Variants in LYRM1 observed in about 807,000 individuals in gnomAD.
LYRM1 encodes LYR motif-containing protein 1.
Under a neutral mutation model 14.9 loss-of-function variants are expected in LYRM1, and 14 were observed. The observed-to-expected ratio is 0.94, with a 90% CI of 0.62 to 1.47. The LOEUF is 1.47. Ranked by LOEUF, LYRM1 falls within the 40% of genes most tolerant of loss-of-function variation. LYRM1 has a pLI of 0.00. For missense variants in LYRM1, 153 were observed against 149.9 expected, an observed-to-expected ratio of 1.02 and a Z score of -0.11; for synonymous variants, 43 against 56.2, an observed-to-expected ratio of 0.77 and a Z score of 1.05.
chr16:20,902,281 G>A (rs1000893225), intron 1 of LYRM1, among the ~76,000 whole-genome samples: 3 of 152,170 alleles, frequency 2.0e-5, no homozygotes, highest in African/African-American at 7.2e-5. Context: ...AAGGAATATC[G>A]AAAGTTCTCT....
At chr16:20,913,317 G>GTTTTTTTTT (rs5816141) in intron 1 of LYRM1, among the ~76,000 whole-genome samples, 1 of 123,308 alleles carries the variant, frequency 8.1e-6, no homozygotes, top group African/African-American at 2.9e-5. Context: ...TCTTTTCTTT[G>GTTTTTTTTT]TTTTTTTTTT....
intron 1 of LYRM1, among the ~76,000 whole-genome samples, chr16:20,913,306 A>T (rs998419739): frequency 4.5e-4 from 63 of 138,984 alleles, no homozygotes; most frequent in Non-Finnish European, 8.2e-4. Flanking sequence ...TGGTCTCAGT[A>T]TCTTTTCTTT....
chr16:20,908,261 A>G (rs1464250675), intron 1 of LYRM1, among the ~76,000 whole-genome samples: 1 of 152,196 alleles, frequency 6.6e-6, no homozygotes, highest in Non-Finnish European at 1.5e-5. Flanking sequence ...GCAAATGGGG[A>G]AGGCTATTGG....
At chr16:20,900,299 C>T (rs867921015), upstream of LYRM1, 3 of 152,046 alleles carry the variant, frequency 2.0e-5, no homozygotes, top group African/African-American at 7.3e-5. Context: ...CGTTTCCAGG[C>T]TCCCTACCCC....
chr16:20,912,280 T>C (rs1201557450), intron 1 of LYRM1, among the ~76,000 whole-genome samples: 1 of 146,894 alleles, frequency 6.8e-6, no homozygotes, highest in African/African-American at 2.5e-5. Context: ...GTTTTTTTTG[T>C]TTTTTTTGAG....
At position 20,915,700 on chromosome 16, in the gene LYRM1, C is replaced by T. The variant is rs759527874; in HGVS notation, c.145C>T (p.Arg49Trp). ...ACTAAATGAAGCCAGAACGCTGTTC[C>T]GGAAAAACAAAAATGTAAGTAGGCC... ...YILNEARTLF[R>W]KNKNLTDTDL... The change falls in exon 2 of 4, where the codon CGG becomes TGG. Residue 49 changes from arginine (R) to tryptophan (W), a missense_variant. Coordinates refer to ENST00000567954, the MANE Select transcript of LYRM1 (RefSeq NM_001128302.3). 1.1e-5 allele frequency: 18 copies of T among 1,613,460 alleles called. No individual in the cohort carries two copies. The highest frequency in any genetic ancestry group is 7.7e-5 in the South Asian group (7 of 91,042).
At chr16:20,914,255 T>C (rs2152543588) in intron 1 of LYRM1, among the ~76,000 whole-genome samples, 1 of 151,930 alleles carries the variant, frequency 6.6e-6, no homozygotes, top group East Asian at 1.9e-4. Flanking sequence ...AGACTCATTT[T>C]GTTTGGCCTG....
At chr16:20,916,873 G>A (rs1371802854) in intron 2 of LYRM1, among the ~76,000 whole-genome samples, 1 of 152,196 alleles carries the variant, frequency 6.6e-6, no homozygotes, top group East Asian at 1.9e-4. Context: ...AGACACATCT[G>A]TCAAAGGCAT....
At chr16:20,919,973 C>T (rs1315981516) in intron 2 of LYRM1, 149 bp from the exon 3 acceptor site, 8 of 477,484 alleles carry the variant, frequency 1.7e-5, no homozygotes, top group African/African-American at 8.0e-5. Context: ...TTATGGTAAG[C>T]TTTAATATTA....
rs141833315 is a variant in LYRM1 at position 20,906,295 on chromosome 16, A to G, written c.-1+5406A>G. Among the ~76,000 whole-genome samples the G allele has an allele frequency of 4.3e-3, 655 of 152,348 alleles. 4 individuals carry two copies. The highest frequency in any genetic ancestry group is 0.024 in the Middle Eastern group (7 of 294). ...GTGGAAGCAGCAAATAGGCAAAGAA[A>G]GGGTATTTCAGTTGTATGAAGTAGA... is the stretch of plus-strand genomic sequence containing the variant. On this transcript the variant is annotated intron_variant, in intron 1 of 3. Coordinates refer to ENST00000567954, the MANE Select transcript of LYRM1 (RefSeq NM_001128302.3).
chr16:20,902,645 A>G (rs1018099792), intron 1 of LYRM1: 1 of 152,202 alleles, frequency 6.6e-6, no homozygotes, highest in African/African-American at 2.4e-5. Flanking sequence ...CAGCAAGTAG[A>G]AGCTAAGTCC....
At chr16:20,910,598 A>G (rs1309146246) in intron 1 of LYRM1, among the ~76,000 whole-genome samples, 1 of 152,174 alleles carries the variant, frequency 6.6e-6, no homozygotes. Context: ...GAAACTAATT[A>G]AAGTTAGATT....
At chr16:20,915,285 CCT>C (rs925317914) in intron 1 of LYRM1, among the ~76,000 whole-genome samples, 2 of 151,978 alleles carry the variant, frequency 1.3e-5, no homozygotes, top group Non-Finnish European at 2.9e-5. Flanking sequence ...ACGGTGAAAC[CCT>C]GTCTCTACTA....
rs772619056 is a variant in LYRM1, at chr16:20,915,533, C to T, written c.1-23C>T. ...TTGCATTTTTATGCAAATTTTCCCTCTTCTATTTTGGTGGGTCTGAAGATG... is the reference window on the plus strand; with the variant it reads ...TTGCATTTTTATGCAAATTTTCCCTTTTCTATTTTGGTGGGTCTGAAGATG... On this transcript the variant is annotated intron_variant, in intron 1 of 3. Coordinates refer to ENST00000567954, the MANE Select transcript of LYRM1 (RefSeq NM_001128302.3). 1.9e-6 allele frequency: 3 copies of T among 1,603,010 alleles called. No homozygotes were observed. The Admixed American group carries it at 5.1e-5, about 27-fold the overall frequency.
intron 1 of LYRM1, among the ~76,000 whole-genome samples, chr16:20,907,911 A>G (rs986388333): frequency 6.6e-6 from 1 of 151,968 alleles, no homozygotes; most frequent in African/African-American, 2.4e-5. Context: ...TGCCACTAGA[A>G]TATAAGCTCA....
intron 3 of LYRM1, among the ~76,000 whole-genome samples, 172 bp from the exon 4 acceptor site, chr16:20,923,828 G>T (rs539311816): frequency 6.6e-6 from 1 of 152,076 alleles, no homozygotes; most frequent in Non-Finnish European, 1.5e-5. Flanking sequence ...GTAAATATTA[G>T]AATAATAATC....
intron 1 of LYRM1, among the ~76,000 whole-genome samples, chr16:20,906,416 C>T (rs1382916315): frequency 2.6e-5 from 4 of 152,168 alleles, no homozygotes; most frequent in Non-Finnish European, 4.4e-5. Context: ...GCTAAAAAAT[C>T]ATAAAGTACT....
upstream of LYRM1, chr16:20,900,310 C>G (rs1273551786): frequency 6.6e-6 from 1 of 152,082 alleles, no homozygotes; most frequent in Non-Finnish European, 1.5e-5. Flanking sequence ...TCCCTACCCC[C>G]GCCGCCGCCG....
At chr16:20,921,030 T>C (rs1217889766) in intron 3 of LYRM1, among the ~76,000 whole-genome samples, 1 of 151,976 alleles carries the variant, frequency 6.6e-6, no homozygotes, top group Non-Finnish European at 1.5e-5. Flanking sequence ...AAATTTATGT[T>C]TTCTTAAATT....
Sources: allele counts gnomAD v4.1 joint callset (sites outside exome capture counted in the v4.1 genomes callset), GRCh38; gene constraint gnomAD v4.1.1; transcripts MANE v1.5; gene names NCBI Gene and HGNC (gene_info 2026-07-23, HGNC 2026-07-21).